The following TMEM221 variants were observed in gnomAD, a reference collection of about 807,000 sequenced individuals.
TMEM221 encodes transmembrane protein 221.
In TMEM221, 11 loss-of-function variants were observed where a neutral mutation model predicts 10.2. The ratio of observed to expected loss-of-function variants is 1.08; its 90% CI spans 0.68 to 1.79. The LOEUF is 1.79. Among genes scored for constraint, TMEM221 ranks in the 40% most tolerant of loss-of-function variants. The pLI, the probability that TMEM221 is intolerant of heterozygous loss-of-function variation, is 0.00. For synonymous variants in TMEM221, 172 were observed against 199.8 expected, an observed-to-expected ratio of 0.86 and a Z score of 1.18; for missense variants, 382 against 417.7, an observed-to-expected ratio of 0.91 and a Z score of 0.75.
At chr19:17,445,884 C>A (rs1371252380) in intron 1 of TMEM221, among the ~76,000 whole-genome samples, 2 of 151,682 alleles carry the variant, frequency 1.3e-5, no homozygotes, top group East Asian at 3.9e-4. Flanking sequence ...CCATCGGCCC[C>A]ACCCATTCAT....
rs867728344 is a variant in TMEM221 at position 17,440,136 on chromosome 19, A to G, written c.407-3209T>C. Among the ~76,000 whole-genome samples the G allele has an allele frequency of 3.3e-5, 5 of 152,034 alleles. No individual in the cohort carries two copies. In the South Asian group the frequency reaches 1.0e-3, roughly 32 times the overall value. On this transcript the variant is annotated intron_variant, in intron 2 of 2. Transcript: ENST00000341130. ...TAGGACATGGAGGCTGCAGTGAGCTATGATCACACCACTGCACTCCAGCCT... is the reference window on the plus strand; with the variant it reads ...TAGGACATGGAGGCTGCAGTGAGCTGTGATCACACCACTGCACTCCAGCCT...
intron 1 of TMEM221, among the ~76,000 whole-genome samples, chr19:17,446,563 C>G (rs1203622191): frequency 6.6e-6 from 1 of 152,106 alleles, no homozygotes; most frequent in Non-Finnish European, 1.5e-5. Context: ...CTCCTGTCCC[C>G]TTTTCAGCAC....
intron 2 of TMEM221, among the ~76,000 whole-genome samples, chr19:17,439,322 C>G (rs921550924): frequency 4.6e-5 from 7 of 151,872 alleles, no homozygotes; most frequent in African/African-American, 7.3e-5. Context: ...AGGAAAACAT[C>G]GTTCTGAGTG....
rs2145771553 is a variant in TMEM221, at chr19:17,435,638, T to A, written c.*820A>T. ...AAAGCAGCAGCAGCATGAGAACGATTAACACACATTGAGGACCTATTGTGT... is the reference window on the plus strand; with the variant it reads ...AAAGCAGCAGCAGCATGAGAACGATAAACACACATTGAGGACCTATTGTGT... On this transcript the variant is annotated 3_prime_UTR_variant, in exon 3 of 3. Coordinates refer to ENST00000341130, the MANE Select transcript of TMEM221 (RefSeq NM_001190844.2). 1 of 152,360 alleles carries A rather than the reference T, an allele frequency of 6.6e-6. No homozygotes were observed. Among genetic ancestry groups the A allele is most frequent in the South Asian group, 2.1e-4 (1 of 4,820 alleles). The allele number at this position is 152,360 out of a possible 1,614,324, so 9.4% of individuals were successfully genotyped here.
Position 17,448,168 on chromosome 19 carries a change from G to C in TMEM221, c.295C>G (p.Leu99Val), listed in dbSNP as rs984571715. Reference protein sequence around the residue: ...AALCGHLGAELARGPGPRRSD... With the variant: ...AALCGHLGAEVARGPGPRRSD... Reference sequence around the variant, plus strand: ...CTCCTGGGGCCAGGCCCCCGCGCCAGCTCGGCGCCCAGGTGGCCACAGAGC... The same window carrying C: ...CTCCTGGGGCCAGGCCCCCGCGCCACCTCGGCGCCCAGGTGGCCACAGAGC... The change falls in exon 1 of 3, where the codon CTG becomes GTG. Residue 99 changes from leucine (L) to valine (V), a missense_variant. Transcript: ENST00000341130. This position sits in a 1 kb window ranked among gnomAD's most constrained non-coding sequence, Gnocchi z 4.7. 1.1e-4 allele frequency: 160 copies of C among 1,429,180 alleles called. No individual in the cohort carries two copies. The highest frequency in any genetic ancestry group is 1.3e-4 in the Non-Finnish European group (140 of 1,094,562). 88.5% of individuals were successfully genotyped at this position (1,429,180 alleles called of 1,614,324 possible).
Position 17,448,529 on chromosome 19 carries a change from TG to T in TMEM221, c.-68del. On this transcript the variant is annotated 5_prime_UTR_variant, in exon 1 of 3. Coordinates refer to ENST00000341130, the MANE Select transcript of TMEM221 (RefSeq NM_001190844.2). This position sits in a 1 kb window ranked among gnomAD's most constrained non-coding sequence, Gnocchi z 4.7. ...AAGTGGTTTTAGAGGGCAGGGGAGT[TG>T]GGGGGAATCCGAGGGTCCTCAGGGG... 8.2e-6 allele frequency: 9 copies of T among 1,098,422 alleles called. No homozygotes were observed. The highest frequency in any genetic ancestry group is 7.9e-5 in the South Asian group (4 of 50,432). The allele number at this position is 1,098,422 out of a possible 1,614,324, so 68.0% of individuals were successfully genotyped here. A position where few individuals can be genotyped will look rare whatever the true frequency, so the allele number is the denominator to read the frequency against.
At chr19:17,444,201 C>G (rs2074943328) in intron 2 of TMEM221, among the ~76,000 whole-genome samples, 1 of 150,724 alleles carries the variant, frequency 6.6e-6, no homozygotes, top group Non-Finnish European at 1.5e-5. Flanking sequence ...CTGCCTCAGC[C>G]TCCTGAGTGG....
intron 2 of TMEM221, among the ~76,000 whole-genome samples, chr19:17,437,286 C>T (rs2074913359): frequency 6.6e-6 from 1 of 152,146 alleles, no homozygotes; most frequent in African/African-American, 2.4e-5. Context: ...GCCAGGGCTT[C>T]CCTGAGGAGG....
rs73517969 is a variant in TMEM221, at chr19:17,437,762, G to C, written c.407-835C>G. 5.7e-3 allele frequency among the ~76,000 whole-genome samples: 867 copies of C among 152,090 alleles called. 5 individuals carry two copies. Among genetic ancestry groups the C allele is most frequent in the African/African-American group, 0.02 (829 of 41,494 alleles). ...AAAAGAAAAAAGAAAAATGGGTTGT[G>C]TAGCTGGAGCAGAAAGGTGGAGAGG... On this transcript the variant is annotated intron_variant, in intron 2 of 2. Transcript: ENST00000341130.
rs186899872 is a variant in TMEM221 at position 17,436,520 on chromosome 19, C to A, written c.814G>T (p.Glu272Ter). The part of the protein sequence containing the change: ...GLGHWDGVTH[E>*]MRRMLGHRPG... Reference sequence around the variant, plus strand: ...CTGTGGCCCAGCATTCGACGCATCTCGTGCGTAACCCCGTCCCAGTGCCCC... The same window carrying A: ...CTGTGGCCCAGCATTCGACGCATCTAGTGCGTAACCCCGTCCCAGTGCCCC... The change falls in exon 3 of 3, where the codon GAG becomes TAG. Residue 272 changes from glutamate to a stop codon, truncating the protein, a stop_gained. Coordinates refer to ENST00000341130, the MANE Select transcript of TMEM221 (RefSeq NM_001190844.2). LOFTEE classifies it high-confidence loss of function. The A allele has an allele frequency of 6.5e-7, 1 of 1,535,522 alleles. No homozygotes were observed.
At chr19:17,438,720 C>T (rs2074919715) in intron 2 of TMEM221, among the ~76,000 whole-genome samples, 1 of 151,562 alleles carries the variant, frequency 6.6e-6, no homozygotes, top group South Asian at 2.1e-4. Flanking sequence ...GCCTCAGCCT[C>T]TTGAGTAGCT....
chr19:17,441,171 G>T (rs957500989), intron 2 of TMEM221, among the ~76,000 whole-genome samples: 1 of 145,462 alleles, frequency 6.9e-6, no homozygotes, highest in Admixed American at 7.1e-5. Flanking sequence ...TCACTCTACT[G>T]CACTTCAGCC....
chr19:17,438,891 C>T (rs1447398750), intron 2 of TMEM221, among the ~76,000 whole-genome samples: 1 of 168 alleles, frequency 6.0e-3, no homozygotes, highest in Non-Finnish European at 0.014. Flanking sequence ...AGCCACTGCG[C>T]CCGACACCTG....
chr19:17,445,334 TG>T (rs1568399045), intron 1 of TMEM221, 50 bp from the exon 2 acceptor site: 24 of 1,469,782 alleles, frequency 1.6e-5, no homozygotes, highest in Middle Eastern at 1.9e-4. Flanking sequence ...GTGGAGCTGG[TG>T]GGGGGAGGTC....
At chr19:17,441,517 T>G (rs2074931814) in intron 2 of TMEM221, among the ~76,000 whole-genome samples, 1 of 152,196 alleles carries the variant, frequency 6.6e-6, no homozygotes, top group Non-Finnish European at 1.5e-5. Flanking sequence ...GCATCAATGA[T>G]GTCCTCATTG....
In TMEM221 at chr19:17,445,298, G is replaced by C. The variant is rs751269389; in HGVS notation, c.321-14C>G. 6.5e-7 allele frequency: 1 copy of C among 1,530,502 alleles called. No homozygotes were observed. Among genetic ancestry groups the C allele is most frequent in the South Asian group, 1.2e-5 (1 of 83,894 alleles). The allele number at this position is 1,530,502 out of a possible 1,614,324, so 94.8% of individuals were successfully genotyped here. The stretch of plus-strand genomic sequence containing the variant: ...AACCAGTCAGACCTGGAATGAAGGG[G>C]AGCAGGAAGATAAAGGGTTCAGGAA... On this transcript the variant is annotated splice_polypyrimidine_tract_variant and intron_variant, in intron 1 of 2. Transcript: ENST00000341130.
intron 1 of TMEM221, among the ~76,000 whole-genome samples, chr19:17,446,220 T>C (rs1599620834): frequency 2.0e-5 from 3 of 150,414 alleles, no homozygotes; most frequent in African/African-American, 5.0e-5. Context: ...ATCCATCCAT[T>C]CATCCTTCCT....
At chr19:17,444,812 T>G (rs1436539908) in intron 2 of TMEM221, 23 of 116,420 alleles carry the variant, frequency 2.0e-4, no homozygotes, top group Admixed American at 4.4e-4. Flanking sequence ...ATATATATAG[T>G]TTTTTTTTTT....
intron 2 of TMEM221, among the ~76,000 whole-genome samples, chr19:17,442,442 C>CTTTTTTTT (rs35930067): frequency 7.3e-6 from 1 of 137,550 alleles, no homozygotes. Context: ...TCTTTTCTTT[C>CTTTTTTTT]TTTTTTTTTT....
Sources: gnomAD v4.1 joint callset for allele counts (sites outside exome capture counted in the v4.1 genomes callset) on GRCh38, gnomAD v4.1.1 for gene constraint, Gnocchi (gnomAD v3.1) non-coding constraint, MANE v1.5 for transcripts, NCBI Gene and HGNC (gene_info 2026-07-23, HGNC 2026-07-21) for gene names.